Variants in MTTP observed in about 807,000 individuals in gnomAD.
MTTP encodes microsomal triglyceride transfer protein large subunit.
A neutral mutation model predicts 90.6 loss-of-function variants in MTTP; 49 were observed. The observed-to-expected ratio is 0.54, with a 90% CI of 0.43 to 0.69. The LOEUF (loss-of-function observed/expected upper bound fraction) is 0.69, where lower values mean the gene tolerates loss of function less well. MTTP is among the 30% of genes least tolerant of loss of function. MTTP has a pLI of 0.00. For missense variants in MTTP, 945 were observed against 1,067.5 expected, an observed-to-expected ratio of 0.89 and a Z score of 1.60; for synonymous variants, 347 against 384.2, an observed-to-expected ratio of 0.90 and a Z score of 1.13.
intron 1 of MTTP, among the ~76,000 whole-genome samples, chr4:99,566,144 C>A (rs554268422): frequency 6.6e-6 from 1 of 151,836 alleles, no homozygotes; most frequent in African/African-American, 2.4e-5. Flanking sequence ...AAAAACTTAG[C>A]CGGGCGTGGT....
chr4:99,616,668 G>A (rs1726105987), intron 15 of MTTP, among the ~76,000 whole-genome samples: 1 of 152,170 alleles, frequency 6.6e-6, no homozygotes, highest in African/African-American at 2.4e-5. Flanking sequence ...AGGAAAGAGT[G>A]CTTTGTTTTT....
Position 99,591,804 on chromosome 4 carries a change from A to G in MTTP, c.758+14A>G. 1 of 1,596,082 alleles carries G rather than the reference A, an allele frequency of 6.3e-7. No homozygotes were observed. The highest frequency in any genetic ancestry group is 8.6e-7 in the Non-Finnish European group (1 of 1,165,392). ...AATAGTATCGAAGTAAGATAATGCTAAAATTTTTATTTTCTTTGCTATTCT... is the reference window on the plus strand; with the variant it reads ...AATAGTATCGAAGTAAGATAATGCTGAAATTTTTATTTTCTTTGCTATTCT... On this transcript the variant is annotated intron_variant, in intron 6 of 17. Coordinates refer to ENST00000265517, the MANE Select transcript of MTTP (RefSeq NM_001386140.1).
At chr4:99,588,742 T>C (rs1725321183) in intron 3 of MTTP, among the ~76,000 whole-genome samples, 1 of 122,868 alleles carries the variant, frequency 8.1e-6, no homozygotes, top group South Asian at 2.7e-4. Context: ...CATATATATA[T>C]GTTCATATAT....
intron 3 of MTTP, 59 bp downstream of exon 3, chr4:99,583,576 A>G: frequency 1.9e-6 from 3 of 1,592,654 alleles, no homozygotes; most frequent in Admixed American, 1.7e-5. Context: ...TCTTCCCTTC[A>G]GTAGATATTA....
chr4:99,568,908 G>T (rs1726504230), intron 1 of MTTP, among the ~76,000 whole-genome samples: 1 of 152,012 alleles, frequency 6.6e-6, no homozygotes, highest in South Asian at 2.1e-4. Context: ...GGAAATTAAA[G>T]ACAAATTTCC....
At chr4:99,580,413 A>G (rs1391206002) in intron 1 of MTTP, among the ~76,000 whole-genome samples, 1 of 151,268 alleles carries the variant, frequency 6.6e-6, no homozygotes, top group Non-Finnish European at 1.5e-5. Context: ...CGTCTCTACT[A>G]AAAATACAAA....
At chr4:99,596,701 G>A (rs1222485057) in intron 7 of MTTP, among the ~76,000 whole-genome samples, 1 of 152,152 alleles carries the variant, frequency 6.6e-6, no homozygotes, top group Non-Finnish European at 1.5e-5. Context: ...ATATTTTGCT[G>A]TTAATTAAAG....
In MTTP at chr4:99,608,987, A is replaced by G. The variant is rs757082467; in HGVS notation, c.1769+10A>G. On this transcript the variant is annotated intron_variant, in intron 12 of 17. Coordinates refer to ENST00000265517, the MANE Select transcript of MTTP (RefSeq NM_001386140.1). ...TTGAAATGCCTGCAAGGTATAATAC[A>G]TTGCACATGTCTCTCTGTGTATTCA... 3.1e-6 allele frequency: 5 copies of G among 1,594,204 alleles called. No individual in the cohort carries two copies. The highest frequency in any genetic ancestry group is 4.3e-6 in the Non-Finnish European group (5 of 1,161,860).
intron 1 of MTTP, among the ~76,000 whole-genome samples, chr4:99,566,145 C>T (rs139721764): frequency 0.021 from 3,249 of 151,848 alleles, 122 homozygotes; most frequent in African/African-American, 0.074. Flanking sequence ...AAAACTTAGC[C>T]GGGCGTGGTG....
At chr4:99,570,901 G>C (rs1346587467), upstream of MTTP, 3 of 390,348 alleles carry the variant, frequency 7.7e-6, no homozygotes, top group Non-Finnish European at 1.5e-5. Flanking sequence ...CCTCCAGAAA[G>C]GGATACACCT....
chr4:99,616,470 C>T (rs1278537944), intron 15 of MTTP, among the ~76,000 whole-genome samples: 3 of 152,084 alleles, frequency 2.0e-5, no homozygotes, highest in Non-Finnish European at 2.9e-5. Flanking sequence ...TCATGTGTAG[C>T]CTCTGAGCCT....
upstream of MTTP, chr4:99,574,705 C>G (rs895039035): frequency 4.4e-6 from 5 of 1,148,064 alleles, no homozygotes; most frequent in Middle Eastern, 3.9e-4. Context: ...AAACTGCAGC[C>G]CACCTACGTT....
intron 1 of MTTP, 147 bp downstream of exon 1, chr4:99,575,117 G>C: frequency 1.1e-6 from 1 of 941,152 alleles, no homozygotes; most frequent in Non-Finnish European, 1.7e-6. Flanking sequence ...TGGAATGTTT[G>C]TGAAAGCATG....
chr4:99,591,885 TGTGC>T, intron 6 of MTTP, 95 bp downstream of exon 6: 8 of 1,122,890 alleles, frequency 7.1e-6, no homozygotes, highest in Admixed American at 2.1e-5. Context: ...TGTGTGTGTG[TGTGC>T]GCGTGTAGTC....
chr4:99,591,242 T>C lies in MTTP; in HGVS notation c.509T>C (p.Ile170Thr). Residue 170 changes from isoleucine to threonine, a missense_variant, in exon 5 of 18, where the codon ATC becomes ACC. Physicochemically the swap from Ile to Thr is moderately conservative, Grantham distance 89. Transcript: ENST00000265517. The part of the protein sequence containing the change: ...LSSGTTNEVD[I>T]SGNCKVTYQA... ...CCTTGCCTTTCTTTTTAGGTAGATA[T>C]CTCTGGAAATTGTAAAGTGACCTAC... 2.5e-6 allele frequency: 4 copies of C among 1,606,568 alleles called. No homozygotes were observed. The highest frequency in any genetic ancestry group is 3.4e-6 in the Non-Finnish European group (4 of 1,173,290).
intron 10 of MTTP, among the ~76,000 whole-genome samples, chr4:99,604,471 C>A (rs1448222797): frequency 6.6e-6 from 1 of 152,138 alleles, no homozygotes; most frequent in Non-Finnish European, 1.5e-5. Context: ...AAGAATAGTA[C>A]AATTCCATGA....
chr4:99,608,441 C>T (rs1267929058), intron 11 of MTTP, among the ~76,000 whole-genome samples: 1 of 151,702 alleles, frequency 6.6e-6, no homozygotes. Flanking sequence ...CGAGACTCTG[C>T]CTCAAAAAAA....
At chr4:99,565,748 T>C (rs193109550) in intron 1 of MTTP, among the ~76,000 whole-genome samples, 9 of 152,280 alleles carry the variant, frequency 5.9e-5, no homozygotes, top group African/African-American at 1.9e-4. Context: ...GTTTTGGAGA[T>C]TAAATAATTT....
At chr4:99,581,352 G>T (rs1442480832) in intron 1 of MTTP, among the ~76,000 whole-genome samples, 1 of 152,162 alleles carries the variant, frequency 6.6e-6, no homozygotes, top group South Asian at 2.1e-4. Flanking sequence ...AGTTACATAT[G>T]TGCAACGCTG....
Sources: allele counts gnomAD v4.1 joint callset (sites outside exome capture counted in the v4.1 genomes callset), GRCh38; gene constraint gnomAD v4.1.1; transcripts MANE v1.5; gene names NCBI Gene and HGNC (gene_info 2026-07-23, HGNC 2026-07-21).